FOXP1: variants seen among roughly 807,000 people sequenced by gnomAD.
FOXP1 encodes forkhead box P1.
In FOXP1, 15 loss-of-function variants were observed where a neutral mutation model predicts 98.2. The ratio of observed to expected loss-of-function variants is 0.15; its 90% CI spans 0.10 to 0.24. FOXP1 has a LOEUF of 0.24. Ranked by LOEUF, FOXP1 falls within the 10% of genes least tolerant of loss-of-function variation. The pLI is 1.00. For missense variants in FOXP1, 633 were observed against 848.5 expected, an observed-to-expected ratio of 0.75 and a Z score of 3.15; for synonymous variants, 371 against 314.5, an observed-to-expected ratio of 1.18 and a Z score of -1.90.
At chr3:71,508,622 C>G (rs1489023659) in intron 2 of FOXP1, among the ~76,000 whole-genome samples, 1 of 152,188 alleles carries the variant, frequency 6.6e-6, no homozygotes, top group African/African-American at 2.4e-5. Flanking sequence ...GTGACATCTT[C>G]ACTCTACTCA....
chr3:71,294,400 T>C (rs1411010363), intron 5 of FOXP1, among the ~76,000 whole-genome samples: 1 of 152,160 alleles, frequency 6.6e-6, no homozygotes, highest in Non-Finnish European at 1.5e-5. Context: ...CACCCTGGAC[T>C]CCTTGTTTTA....
Position 71,583,600 on chromosome 3 carries a change from A to G in FOXP1, c.-476T>C, listed in dbSNP as rs2048366386. 2 of 983,212 alleles carry G rather than the reference A, an allele frequency of 2.0e-6. No individual in the cohort carries two copies. The highest frequency in any genetic ancestry group is 1.2e-4 in the Admixed American group (2 of 16,120). The allele number at this position is 983,212 out of a possible 1,614,324, so 60.9% of individuals were successfully genotyped here. ...TGCAAATGGTCTCTCGGTGCAAACT[A>G]AGGTGTTTTCGGGCCTTTCCCCGCG... On this transcript the variant is annotated 5_prime_UTR_variant, in exon 1 of 21. Transcript: ENST00000649528.
At chr3:71,559,820 C>T (rs982071395) in intron 2 of FOXP1, among the ~76,000 whole-genome samples, 4 of 151,434 alleles carry the variant, frequency 2.6e-5, no homozygotes, top group Non-Finnish European at 5.9e-5. Flanking sequence ...GCATTCCAGC[C>T]TGGGTGACAG....
chr3:71,175,160 C>T (rs2061871104), intron 6 of FOXP1, among the ~76,000 whole-genome samples: 1 of 152,202 alleles, frequency 6.6e-6, no homozygotes, highest in Non-Finnish European at 1.5e-5. Flanking sequence ...GATCCATCCG[C>T]CTTGGCCTCC....
intron 7 of FOXP1, among the ~76,000 whole-genome samples, chr3:71,087,930 G>A (rs754255650): frequency 6.6e-6 from 1 of 152,166 alleles, no homozygotes; most frequent in Non-Finnish European, 1.5e-5. Flanking sequence ...TTTGTGGGGA[G>A]AGAAAGGGGA....
intron 7 of FOXP1, among the ~76,000 whole-genome samples, chr3:71,061,453 A>G (rs2051465721): frequency 6.6e-6 from 1 of 152,172 alleles, no homozygotes; most frequent in South Asian, 2.1e-4. Flanking sequence ...AAGCATATAT[A>G]TAAATCAAAA....
At chr3:71,268,177 G>C (rs1427565776) in intron 5 of FOXP1, among the ~76,000 whole-genome samples, 1 of 136,420 alleles carries the variant, frequency 7.3e-6, no homozygotes, top group Non-Finnish European at 1.5e-5. Flanking sequence ...TGCAAACTCC[G>C]CCTCCCGGGT....
chr3:71,521,330 C>G (rs2042970985), intron 2 of FOXP1, among the ~76,000 whole-genome samples: 1 of 152,128 alleles, frequency 6.6e-6, no homozygotes, highest in Admixed American at 6.5e-5. Context: ...AGTTTGAGAC[C>G]AGCCTGGCCA....
At chr3:71,298,495 A>T (rs2073557137) in intron 5 of FOXP1, among the ~76,000 whole-genome samples, 1 of 144,272 alleles carries the variant, frequency 6.9e-6, no homozygotes, top group South Asian at 2.2e-4. Flanking sequence ...AAAGAAAAAG[A>T]AAAAGAAAAT....
intron 2 of FOXP1, among the ~76,000 whole-genome samples, chr3:71,522,583 G>A (rs936604750): frequency 6.6e-6 from 1 of 152,090 alleles, no homozygotes; most frequent in Non-Finnish European, 1.5e-5. Context: ...TCATTGTGAG[G>A]GACAAATAAA....
At chr3:71,018,786 TCA>T (rs746488099) in intron 11 of FOXP1, among the ~76,000 whole-genome samples, 4 of 152,202 alleles carry the variant, frequency 2.6e-5, no homozygotes, top group Non-Finnish European at 5.9e-5. Flanking sequence ...GCAGGGAAAC[TCA>T]GTTTTCACCA....
At position 71,033,659 on chromosome 3, in the gene FOXP1, A is replaced by C. The variant is rs192818269; in HGVS notation, c.869+7669T>G. Among the ~76,000 whole-genome samples, 406 of 150,788 alleles carry C rather than the reference A, an allele frequency of 2.7e-3. 1 individual carries two copies. Among genetic ancestry groups the C allele is most frequent in the African/African-American group, 8.7e-3 (357 of 41,062 alleles). ...ATAAACCCTTCCCTTATGGCATGCCAATATTTTAAAGATTTTCTCCCGGTG... is the reference window on the plus strand; with the variant it reads ...ATAAACCCTTCCCTTATGGCATGCCCATATTTTAAAGATTTTCTCCCGGTG... On this transcript the variant is annotated intron_variant, in intron 11 of 20. Coordinates refer to ENST00000649528, the MANE Select transcript of FOXP1 (RefSeq NM_001349338.3).
intron 7 of FOXP1, among the ~76,000 whole-genome samples, chr3:71,106,499 C>G (rs1488323467): frequency 6.6e-6 from 1 of 151,992 alleles, no homozygotes; most frequent in Non-Finnish European, 1.5e-5. Context: ...CCACGCCCAG[C>G]TAATTTTTGC....
At chr3:71,489,124 G>A (rs1298145183) in intron 3 of FOXP1, among the ~76,000 whole-genome samples, 2 of 151,922 alleles carry the variant, frequency 1.3e-5, no homozygotes, top group Non-Finnish European at 1.5e-5. Flanking sequence ...CCCCAAAACC[G>A]GTCACGGAAA....
intron 7 of FOXP1, among the ~76,000 whole-genome samples, chr3:71,075,632 C>T (rs1054908768): frequency 2.0e-5 from 3 of 152,160 alleles, no homozygotes; most frequent in Admixed American, 1.3e-4. Flanking sequence ...CTACATACCC[C>T]AGCCAGTTCA....
intron 18 of FOXP1, chr3:70,971,977 GAAAA>G: frequency 8.5e-7 from 1 of 1,171,336 alleles, no homozygotes; most frequent in Non-Finnish European, 1.1e-6. Flanking sequence ...AGCAACAGCA[GAAAA>G]AAAAAACAAA....
intron 6 of FOXP1, among the ~76,000 whole-genome samples, chr3:71,165,902 T>C (rs781232417): frequency 3.7e-4 from 57 of 152,238 alleles, no homozygotes; most frequent in Non-Finnish European, 7.6e-4. Flanking sequence ...ACTGTGTTGC[T>C]GGTGGTAACA....
chr3:71,564,637 T>C (rs931434225), intron 2 of FOXP1, among the ~76,000 whole-genome samples: 1 of 152,212 alleles, frequency 6.6e-6, no homozygotes, highest in Non-Finnish European at 1.5e-5. Context: ...GGTTACACCC[T>C]TGGCCAGTGA....
At chr3:71,035,544 A>G (rs1463778861) in intron 11 of FOXP1, among the ~76,000 whole-genome samples, 1 of 152,164 alleles carries the variant, frequency 6.6e-6, no homozygotes, top group Non-Finnish European at 1.5e-5. Flanking sequence ...AGTGGGCTGG[A>G]TTTGGCAGGC....
Sources: gnomAD v4.1 joint callset for allele counts (sites outside exome capture counted in the v4.1 genomes callset) on GRCh38, gnomAD v4.1.1 for gene constraint, MANE v1.5 for transcripts, NCBI Gene and HGNC (gene_info 2026-07-23, HGNC 2026-07-21) for gene names.